The following KCNJ8 variants were observed in gnomAD, a reference collection of about 807,000 sequenced individuals.
The protein encoded by KCNJ8 is potassium inwardly rectifying channel subfamily J member 8.
In KCNJ8, 13 loss-of-function variants were observed where a neutral mutation model predicts 28.2. That is an observed-to-expected ratio of 0.46 (90% CI 0.30 to 0.73). The LOEUF (loss-of-function observed/expected upper bound fraction) is 0.73, where lower values mean the gene tolerates loss of function less well. Among genes scored for constraint, KCNJ8 ranks in the 30% least tolerant of loss-of-function variants. KCNJ8 has a pLI of 0.07. For synonymous variants in KCNJ8, 188 were observed against 195.9 expected (o/e 0.96, Z 0.34); for missense variants, 284 against 542.6 (o/e 0.52, Z 4.73).
intron 2 of KCNJ8, among the ~76,000 whole-genome samples, chr12:21,772,269 T>C (rs1321246431): frequency 6.6e-6 from 1 of 152,224 alleles, no homozygotes; most frequent in South Asian, 2.1e-4. Flanking sequence ...ATTATGTGAA[T>C]TTAAAATGTT....
chr12:21,767,210 T>A (rs1343543894), intron 2 of KCNJ8, among the ~76,000 whole-genome samples: 2 of 152,100 alleles, frequency 1.3e-5, no homozygotes, highest in Admixed American at 1.3e-4. Context: ...AACACATTAT[T>A]CCAAACAACT....
At position 21,772,064 on chromosome 12, in the gene KCNJ8, G is replaced by A. The variant is rs139350430; in HGVS notation, c.374+1179C>T. ...GAAATCTGTGGTGTGTGATCTCTGC[G>A]CACTAATGCTGCCTTCCTCCTTGAA... On this transcript the variant is annotated intron_variant, in intron 2 of 2. Coordinates refer to ENST00000240662, the MANE Select transcript of KCNJ8 (RefSeq NM_004982.4). 9.9e-4 allele frequency among the ~76,000 whole-genome samples: 150 copies of A among 152,168 alleles called. No individual in the cohort carries two copies. The Middle Eastern group carries it at 0.01, about 10-fold the overall frequency.
Position 21,773,635 on chromosome 12 carries a change from A to G in KCNJ8, c.-19T>C, listed in dbSNP as rs1430602471. On this transcript the variant is annotated 5_prime_UTR_variant, in exon 2 of 3. Coordinates refer to ENST00000240662, the MANE Select transcript of KCNJ8 (RefSeq NM_004982.4). This position sits in a 1 kb window ranked among gnomAD's most constrained non-coding sequence, Gnocchi z 4.6. The stretch of plus-strand genomic sequence containing the variant: ...CCAACATCGTCCTGTCACCATAGCC[A>G]GCTTAGCCACCTCCCTCTCACCTGC... 1.2e-6 allele frequency: 2 copies of G among 1,610,500 alleles called. No individual in the cohort carries two copies. Among genetic ancestry groups the G allele is most frequent in the African/African-American group, 1.3e-5 (1 of 75,020 alleles).
Position 21,773,103 on chromosome 12 carries a change from T to G in KCNJ8, c.374+140A>C. 2.1e-6 allele frequency: 2 copies of G among 960,664 alleles called. No individual in the cohort carries two copies. The highest frequency in any genetic ancestry group is 3.3e-6 in the Non-Finnish European group (2 of 614,910). The allele number at this position is 960,664 out of a possible 1,614,324, so 59.5% of individuals were successfully genotyped here. On this transcript the variant is annotated intron_variant, in intron 2 of 2. Transcript: ENST00000240662. This position sits in a 1 kb window ranked among gnomAD's most constrained non-coding sequence, Gnocchi z 4.6. ...TACTGTGTTAGGTGTTGTTCTTTAT[T>G]GTGCTTTTTTGTTTCTGAAGATTCT...
intron 2 of KCNJ8, among the ~76,000 whole-genome samples, chr12:21,770,753 G>A (rs1316303299): frequency 6.6e-6 from 1 of 152,206 alleles, no homozygotes; most frequent in African/African-American, 2.4e-5. Flanking sequence ...AAGTACTGCT[G>A]TGGCTTCTTC....
At chr12:21,770,348 CAATAT>C (rs1940729755) in intron 2 of KCNJ8, among the ~76,000 whole-genome samples, 1 of 152,044 alleles carries the variant, frequency 6.6e-6, no homozygotes, top group Admixed American at 6.5e-5. Flanking sequence ...TACTAGATTA[CAATAT>C]AATATAAATG....
rs543722693 is a variant in KCNJ8 at position 21,768,238 on chromosome 12, C to T, written c.375-1615G>A. On this transcript the variant is annotated intron_variant, in intron 2 of 2. Transcript: ENST00000240662. ...AGAGCTCAGGAGGTAATGTTTGCTC[C>T]CCCACTGCTCACCTCCTGCTATGTG... Among the ~76,000 whole-genome samples the T allele has an allele frequency of 3.9e-5, 6 of 152,220 alleles. No individual in the cohort carries two copies. In the South Asian group the frequency reaches 1.0e-3, roughly 26 times the overall value.
intron 2 of KCNJ8, among the ~76,000 whole-genome samples, chr12:21,771,224 GTTTGT>G (rs1475666374): frequency 3.3e-5 from 5 of 152,198 alleles, no homozygotes; most frequent in Non-Finnish European, 5.9e-5. Context: ...ATCCCAAATA[GTTTGT>G]TTTAATGGTT....
At chr12:21,767,484 T>C (rs1231939972) in intron 2 of KCNJ8, among the ~76,000 whole-genome samples, 1 of 152,074 alleles carries the variant, frequency 6.6e-6, no homozygotes, top group African/African-American at 2.4e-5. Context: ...TTATTGTGAA[T>C]TGCACATGTG....
chr12:21,766,161 G>A lies in KCNJ8; in HGVS notation c.837C>T (p.Asp279=). The change falls in exon 3 of 3, where the codon GAC becomes GAT. Residue 279 remains aspartate, a synonymous_variant. Coordinates refer to ENST00000240662, the MANE Select transcript of KCNJ8 (RefSeq NM_004982.4). The surrounding 1 kb of genome is among the most constrained non-coding windows in gnomAD (Gnocchi z 6.5). ...GGTTGGCCAGGTCAGTTGCTGAGAT[G>A]TCATACAGGGGACTGCGCTTGTCAA... ...HVIDKRSPLY[D]ISATDLANQD... is the part of the protein sequence containing the mutation. 1.2e-6 allele frequency: 2 copies of A among 1,614,120 alleles called. No homozygotes were observed. Among genetic ancestry groups the A allele is most frequent in the South Asian group, 1.1e-5 (1 of 91,080 alleles).
Position 21,765,298 on chromosome 12 carries a change from G to GT in KCNJ8, c.*424dup. The GT allele has an allele frequency of 3.8e-6, 1 of 265,886 alleles. No homozygotes were observed. Among genetic ancestry groups the GT allele is most frequent in the East Asian group, 1.0e-4 (1 of 9,918 alleles). 16.5% of individuals were successfully genotyped at this position (265,886 alleles called of 1,614,324 possible). A position where few individuals can be genotyped will look rare whatever the true frequency, so the allele number is the denominator to read the frequency against. On this transcript the variant is annotated 3_prime_UTR_variant, in exon 3 of 3. Transcript: ENST00000240662. The stretch of plus-strand genomic sequence containing the variant: ...GTACAAAACGCATTAACATGATTTT[G>GT]TTTTTTCCCCTCCTATTCTATTTGC...
At position 21,766,611 on chromosome 12, in the gene KCNJ8, A is replaced by T. The variant is rs750398506; in HGVS notation, c.387T>A (p.Ser129=). 6.3e-7 allele frequency: 1 copy of T among 1,599,372 alleles called. No individual in the cohort carries two copies. Among genetic ancestry groups the T allele is most frequent in the East Asian group, 2.2e-5 (1 of 44,876 alleles). ...GAACTTCAATGGAGAAGAGAAAAGCAGAAGTGAAAGACCTGTGAGGAATGA... is the reference window on the plus strand; with the variant it reads ...GAACTTCAATGGAGAAGAGAAAAGCTGAAGTGAAAGACCTGTGAGGAATGA... ...VCVTNVRSFT[S]AFLFSIEVQV... The change falls in exon 3 of 3, where the codon TCT becomes TCA. Residue 129 remains serine, a synonymous_variant. Transcript: ENST00000240662. This position sits in a 1 kb window ranked among gnomAD's most constrained non-coding sequence, Gnocchi z 6.5.
In KCNJ8 at chr12:21,765,711, G is replaced by T; in HGVS notation, c.*12C>A. On this transcript the variant is annotated 3_prime_UTR_variant, in exon 3 of 3. Transcript: ENST00000240662. The stretch of plus-strand genomic sequence containing the variant: ...AAACTTGATAAAAGACTGTCTTGGG[G>T]TTATCTTGCTGTCATGATTCCGATG... 1 of 1,612,780 alleles carries T rather than the reference G, an allele frequency of 6.2e-7. No individual in the cohort carries two copies.
chr12:21,768,923 C>T (rs1291855400), intron 2 of KCNJ8, among the ~76,000 whole-genome samples: 2 of 152,168 alleles, frequency 1.3e-5, no homozygotes, highest in Admixed American at 6.5e-5. Context: ...AAGCCACCTT[C>T]AAAACAGAAA....
At chr12:21,767,151 A>G (rs1166247021) in intron 2 of KCNJ8, among the ~76,000 whole-genome samples, 1 of 152,180 alleles carries the variant, frequency 6.6e-6, no homozygotes, top group Non-Finnish European at 1.5e-5. Context: ...GCTAATACTT[A>G]TTTTGTGTCT....
intron 1 of KCNJ8, among the ~76,000 whole-genome samples, chr12:21,774,330 CTTTTTT>C (rs113701092): frequency 3.2e-5 from 4 of 126,938 alleles, no homozygotes; most frequent in East Asian, 4.6e-4. Context: ...AAATTGAAAA[CTTTTTT>C]TTTTTTTTTT....
rs1227120722 is a variant in KCNJ8 at position 21,773,837 on chromosome 12, G to C, written c.-70-151C>G. 1.3e-5 allele frequency among the ~76,000 whole-genome samples: 2 copies of C among 152,196 alleles called. No individual in the cohort carries two copies. The highest frequency in any genetic ancestry group is 4.8e-5 in the African/African-American group (2 of 41,448). Reference sequence around the variant, plus strand: ...ACTAACCCAAACATGAATCTAGCTTGTGCTTGAGTTCTGGGATCTCAGAAA... The same window carrying C: ...ACTAACCCAAACATGAATCTAGCTTCTGCTTGAGTTCTGGGATCTCAGAAA... On this transcript the variant is annotated intron_variant, in intron 1 of 2. Coordinates refer to ENST00000240662, the MANE Select transcript of KCNJ8 (RefSeq NM_004982.4). This position sits in a 1 kb window ranked among gnomAD's most constrained non-coding sequence, Gnocchi z 4.6.
Position 21,765,732 on chromosome 12 carries a change from C to T in KCNJ8, c.1266G>A (p.Ser422=), listed in dbSNP as rs772569559. The T allele has an allele frequency of 6.1e-5, 99 of 1,613,800 alleles. No homozygotes were observed. Among genetic ancestry groups the T allele is most frequent in the South Asian group, 1.2e-4 (11 of 91,074 alleles). ...TGGGGTTATCTTGCTGTCATGATTC[C>T]GATGTGTTTTGATTTCCTTCTGGAG... ...FMTPEGNQNT[S]ES is the part of the protein sequence containing the mutation. The change falls in exon 3 of 3, where the codon TCG becomes TCA. Residue 422 remains serine (S), a synonymous_variant. Coordinates refer to ENST00000240662, the MANE Select transcript of KCNJ8 (RefSeq NM_004982.4).
intron 2 of KCNJ8, among the ~76,000 whole-genome samples, chr12:21,771,677 T>C (rs2137050733): frequency 6.6e-6 from 1 of 152,340 alleles, no homozygotes; most frequent in South Asian, 2.1e-4. Context: ...TGGGAGAGAA[T>C]GAAGATTTTT....
Sources: allele counts gnomAD v4.1 joint callset (sites outside exome capture counted in the v4.1 genomes callset), GRCh38; gene constraint gnomAD v4.1.1; non-coding constraint Gnocchi (gnomAD v3.1); transcripts MANE v1.5; gene names NCBI Gene and HGNC (gene_info 2026-07-23, HGNC 2026-07-21).